FANCI: variants seen among roughly 807,000 people sequenced by gnomAD.
FANCI encodes Fanconi anemia group I protein.
A neutral mutation model predicts 176.1 loss-of-function variants in FANCI; 156 were observed. The ratio of observed to expected loss-of-function variants is 0.89; its 90% CI spans 0.78 to 1.01. The LOEUF (loss-of-function observed/expected upper bound fraction) is 1.01, where lower values mean the gene tolerates loss of function less well. Among genes scored for constraint, FANCI ranks in the 50% least tolerant of loss-of-function variants. The pLI, the probability that FANCI is intolerant of heterozygous loss-of-function variation, is 0.00. For synonymous variants in FANCI, 613 were observed against 541.7 expected (o/e 1.13, Z -1.83); for missense variants, 1,678 against 1,534.1 (o/e 1.09, Z -1.57).
chr15:89,273,263 C>T lies in FANCI; in HGVS notation c.883-114C>T, dbSNP rs574372732. ...AGGCTGCAGTGAGCTATGATTGCAT[C>T]ACTGCACTCTAGCCTGGGCAACAGA... is the stretch of plus-strand genomic sequence containing the variant. On this transcript the variant is annotated intron_variant, in intron 10 of 37. Transcript: ENST00000310775. The T allele has an allele frequency of 6.7e-4, 444 of 660,958 alleles. No homozygotes were observed. The African/African-American group carries it at 7.5e-3, about 11-fold the overall frequency. The allele number at this position is 660,958 out of a possible 1,614,324, so 40.9% of individuals were successfully genotyped here. A position where few individuals can be genotyped will look rare whatever the true frequency, so the allele number is the denominator to read the frequency against.
At chr15:89,284,949 T>TTATGC in intron 17 of FANCI, 147 bp from the exon 18 acceptor site, 3 of 835,622 alleles carry the variant, frequency 3.6e-6, no homozygotes, top group Non-Finnish European at 6.2e-6. Flanking sequence ...TACTACTGCA[T>TTATGC]GGTAATGATT....
Position 89,305,364 on chromosome 15 carries a change from C to T in FANCI, c.3210C>T (p.Asn1070=), listed in dbSNP as rs1331419585. The T allele has an allele frequency of 1.9e-6, 3 of 1,614,026 alleles. No individual in the cohort carries two copies. The highest frequency in any genetic ancestry group is 2.5e-6 in the Non-Finnish European group (3 of 1,180,054). ...AGGATGTAGAGGTGGAGAAAACAAACCACTTTGCAATAGTGAATTTGAGAA... is the reference window on the plus strand; with the variant it reads ...AGGATGTAGAGGTGGAGAAAACAAATCACTTTGCAATAGTGAATTTGAGAA... The part of the protein sequence containing the change: ...IDQDVEVEKT[N]HFAIVNLRTA... The change falls in exon 30 of 38, where the codon AAC becomes AAT. Residue 1070 remains asparagine, a synonymous_variant. Coordinates refer to ENST00000310775, the MANE Select transcript of FANCI (RefSeq NM_001113378.2).
chr15:89,316,214 A>G (rs1358168799), intron 37 of FANCI, 183 bp from the exon 38 acceptor site: 2 of 655,124 alleles, frequency 3.1e-6, no homozygotes, highest in Non-Finnish European at 2.7e-6. Context: ...TTATTACTCT[A>G]CACTTTGGAG....
intron 2 of FANCI, among the ~76,000 whole-genome samples, chr15:89,257,343 A>G (rs1196401733): frequency 2.6e-5 from 4 of 152,182 alleles, no homozygotes; most frequent in South Asian, 4.1e-4. Context: ...TGCTGTTACA[A>G]TGTATCACAA....
intron 6 of FANCI, among the ~76,000 whole-genome samples, chr15:89,262,904 A>C (rs890350666): frequency 1.3e-5 from 2 of 152,094 alleles, no homozygotes; most frequent in Admixed American, 1.3e-4. Context: ...TGTCTTTTTT[A>C]ATTTTAAATA....
At position 89,265,552 on chromosome 15, in the gene FANCI, C is replaced by G. The variant is rs2351005; in HGVS notation, c.755+945C>G. On this transcript the variant is annotated intron_variant, in intron 9 of 37. Coordinates refer to ENST00000310775, the MANE Select transcript of FANCI (RefSeq NM_001113378.2). ...TCTTTCTTTTTTTTTGAGATGGGGT[C>G]TCACTCTGTTGCCCAGACTGGAGTG... Among the ~76,000 whole-genome samples the G allele has an allele frequency of 2.0e-3, 306 of 149,552 alleles. 2 individuals carry two copies. Among genetic ancestry groups the G allele is most frequent in the African/African-American group, 7.3e-3 (295 of 40,668 alleles).
At chr15:89,266,001 T>TC (rs1274084141) in intron 9 of FANCI, among the ~76,000 whole-genome samples, 9 of 146,456 alleles carry the variant, frequency 6.1e-5, no homozygotes, top group South Asian at 2.1e-4. Context: ...CTTATTTCTT[T>TC]TTTTTTTTTT....
chr15:89,287,184 AG>A (rs1466636824), intron 18 of FANCI, among the ~76,000 whole-genome samples: 2 of 152,092 alleles, frequency 1.3e-5, no homozygotes, highest in Non-Finnish European at 1.5e-5. Context: ...CATGTTGGCC[AG>A]GATGGTCTCA....
Position 89,285,209 on chromosome 15 carries a change from G to A in FANCI, c.1812G>A (p.Met604Ile). 1.2e-6 allele frequency: 2 copies of A among 1,614,134 alleles called. No individual in the cohort carries two copies. Among genetic ancestry groups the A allele is most frequent in the South Asian group, 1.1e-5 (1 of 91,080 alleles). The change falls in exon 18 of 38, where the codon ATG (methionine) becomes ATA (isoleucine). Residue 604 changes from methionine (M) to isoleucine (I), a missense_variant. Met to Ile is a conservative substitution (Grantham distance 10, BLOSUM62 1). Coordinates refer to ENST00000310775, the MANE Select transcript of FANCI (RefSeq NM_001113378.2). ...CLSQQADVRL[M>I]LYEGFYDVLR... ...GCCAGCAAGCTGATGTTCGACTCAT[G>A]CTTTATGAGGTAAGTCCGTAGAATG...
At chr15:89,279,368 G>A (rs2053529534) in intron 14 of FANCI, among the ~76,000 whole-genome samples, 1 of 152,170 alleles carries the variant, frequency 6.6e-6, no homozygotes, top group Non-Finnish European at 1.5e-5. Context: ...ATGCTGGCCA[G>A]GCTGGTCTCG....
In FANCI at chr15:89,253,542, A is replaced by AC. The variant is rs113413165; in HGVS notation, c.85-5162_85-5161insC. 7.9e-3 allele frequency among the ~76,000 whole-genome samples: 768 copies of AC among 96,910 alleles called. 8 individuals carry two copies. Among genetic ancestry groups the AC allele is most frequent in the African/African-American group, 0.068 (689 of 10,180 alleles). 63.6% of individuals were successfully genotyped at this position (96,910 alleles called of 152,430 possible). On this transcript the variant is annotated intron_variant, in intron 2 of 37. Coordinates refer to ENST00000310775, the MANE Select transcript of FANCI (RefSeq NM_001113378.2). ...AAATAAATAAATAAATAAATAAATA[A>AC]ATAAGTATATGTTAGAAGAAAACAT...
At chr15:89,313,002 T>C (rs376548073) in intron 35 of FANCI, 30 bp downstream of exon 35, 354 of 1,602,630 alleles carry the variant, frequency 2.2e-4, no homozygotes, top group Non-Finnish European at 2.9e-4. Flanking sequence ...CGTTAAAATA[T>C]GCTTGTTGGT....
chr15:89,290,054 A>G (rs1360069850), intron 18 of FANCI, among the ~76,000 whole-genome samples, 159 bp from the exon 19 acceptor site: 1 of 152,190 alleles, frequency 6.6e-6, no homozygotes, highest in Non-Finnish European at 1.5e-5. Context: ...TGGGAAAAAA[A>G]TATGGTCATT....
In FANCI at chr15:89,306,080, G is replaced by A. The variant is rs1596325708; in HGVS notation, c.3423G>A (p.Leu1141=). The A allele has an allele frequency of 3.7e-6, 6 of 1,614,178 alleles. No homozygotes were observed. The East Asian group carries it at 1.3e-4, about 36-fold the overall frequency. ...CTATCATCATGCAACTGGGAACTCT[G>A]CTTACATTTTTCCACGAGCTGGTGC... ...EKAIIMQLGT[L]LTFFHELVQT... is the part of the protein sequence containing the mutation. The change falls in exon 32 of 38, where the codon CTG becomes CTA. Residue 1141 remains leucine (L), a synonymous_variant. Coordinates refer to ENST00000310775, the MANE Select transcript of FANCI (RefSeq NM_001113378.2).
chr15:89,275,046 A>G (rs1055579561), intron 12 of FANCI, among the ~76,000 whole-genome samples: 4 of 149,096 alleles, frequency 2.7e-5, no homozygotes, highest in Admixed American at 6.7e-5. Context: ...AGCTGGGACT[A>G]TAGGCATGTA....
intron 1 of FANCI, among the ~76,000 whole-genome samples, chr15:89,247,008 A>G (rs979991734): frequency 2.0e-5 from 3 of 150,054 alleles, no homozygotes; most frequent in Admixed American, 6.6e-5. Flanking sequence ...TGACTTCGTG[A>G]TCTGCCCTCC....
In FANCI at chr15:89,299,894, G is replaced by A. The variant is rs1286624209; in HGVS notation, c.2731G>A (p.Gly911Ser). Reference protein sequence around the residue: ...GKSISLLCLEGLQKIFSAVQQ... With the variant: ...GKSISLLCLESLQKIFSAVQQ... ...GAGCATCTCACTGCTGTGCTTGGAG[G>A]GTTTACAGAAAATATTCAGTGCTGT... Residue 911 changes from glycine to serine, a missense_variant, in exon 25 of 38, where the codon GGT becomes AGT. Physicochemically the swap from Gly to Ser is moderately conservative, Grantham distance 56. This residue lies in a region of FANCI where 1,204 missense variants were observed against 1,077.4 expected (regional missense o/e 1.12). Coordinates refer to ENST00000310775, the MANE Select transcript of FANCI (RefSeq NM_001113378.2). The A allele has an allele frequency of 6.2e-7, 1 of 1,613,932 alleles. No homozygotes were observed. Among genetic ancestry groups the A allele is most frequent in the East Asian group, 2.2e-5 (1 of 44,864 alleles).
At chr15:89,253,536 TAAATA>T (rs2052356423) in intron 2 of FANCI, among the ~76,000 whole-genome samples, 1 of 131,896 alleles carries the variant, frequency 7.6e-6, no homozygotes, top group Non-Finnish European at 1.5e-5. Context: ...AATAAATAAA[TAAATA>T]AATAAGTATA....
At chr15:89,264,095 T>A in intron 8 of FANCI, 69 bp downstream of exon 8, 1 of 1,569,194 alleles carries the variant, frequency 6.4e-7, no homozygotes, top group East Asian at 2.2e-5. Flanking sequence ...AACTTATTCA[T>A]ACCCTTGGTT....
Sources: gnomAD v4.1 joint callset for allele counts (sites outside exome capture counted in the v4.1 genomes callset) on GRCh38, gnomAD v4.1.1 for gene constraint, gnomAD v4.1.1 regional missense constraint, MANE v1.5 for transcripts, NCBI Gene and HGNC (gene_info 2026-07-23, HGNC 2026-07-21) for gene names.